The following FAM20B variants were observed in gnomAD, a reference collection of about 807,000 sequenced individuals.
The protein encoded by FAM20B is FAM20B glycosaminoglycan xylosylkinase.
Under a neutral mutation model 43.8 loss-of-function variants are expected in FAM20B, and 23 were observed. The ratio of observed to expected loss-of-function variants is 0.53; its 90% CI spans 0.38 to 0.74. The LOEUF is 0.74. Among genes scored for constraint, FAM20B ranks in the 30% least tolerant of loss-of-function variants. The probability of loss-of-function intolerance (pLI) is 0.00; values close to 1 mark genes in which losing one functional copy is unlikely to be tolerated. For synonymous variants in FAM20B, 178 were observed against 192.4 expected, an observed-to-expected ratio of 0.93 and a Z score of 0.62; for missense variants, 440 against 510.5, an observed-to-expected ratio of 0.86 and a Z score of 1.33.
At chr1:179,034,248 G>A (rs1335507294) in intron 1 of FAM20B, among the ~76,000 whole-genome samples, 1 of 152,204 alleles carries the variant, frequency 6.6e-6, no homozygotes, top group Non-Finnish European at 1.5e-5. Flanking sequence ...GCTAGATCCC[G>A]TGAAAGTGGA....
intron 1 of FAM20B, among the ~76,000 whole-genome samples, chr1:179,043,160 C>T (rs962988848): frequency 3.3e-5 from 5 of 152,222 alleles, no homozygotes; most frequent in African/African-American, 1.2e-4. Context: ...CCTCCCTTGG[C>T]CTCCCTCCCA....
In FAM20B at chr1:179,072,846, T is replaced by G. The variant is rs570354653; in HGVS notation, c.*702T>G. ...CTACTGAAAAACAGGTTCCCTTGTA[T>G]TTAGGATCTTAAGGTGTATAAAAAG... is the stretch of plus-strand genomic sequence containing the variant. On this transcript the variant is annotated 3_prime_UTR_variant, in exon 8 of 8. Coordinates refer to ENST00000263733, the MANE Select transcript of FAM20B (RefSeq NM_014864.4). The G allele has an allele frequency of 2.0e-5, 3 of 152,334 alleles. No homozygotes were observed. Among genetic ancestry groups the G allele is most frequent in the African/African-American group, 7.2e-5 (3 of 41,580 alleles). 9.4% of individuals were successfully genotyped at this position (152,334 alleles called of 1,614,324 possible).
At chr1:179,039,998 A>G (rs1650415534) in intron 1 of FAM20B, among the ~76,000 whole-genome samples, 1 of 152,188 alleles carries the variant, frequency 6.6e-6, no homozygotes, top group Non-Finnish European at 1.5e-5. Flanking sequence ...CCCTTAATCC[A>G]TTTAACCCTG....
In FAM20B at chr1:179,055,221, G is replaced by C. The variant is rs79113359; in HGVS notation, c.574+583G>C. Among the ~76,000 whole-genome samples the C allele has an allele frequency of 8.3e-3, 1,263 of 152,262 alleles. 17 individuals carry two copies. Among genetic ancestry groups the C allele is most frequent in the African/African-American group, 0.029 (1,207 of 41,540 alleles). ...TTCCATTATCTTAACTCTGAGGTAAGAGATCTGAGCTAAAATTCTCACTCC... is the reference window on the plus strand; with the variant it reads ...TTCCATTATCTTAACTCTGAGGTAACAGATCTGAGCTAAAATTCTCACTCC... On this transcript the variant is annotated intron_variant, in intron 4 of 7. Coordinates refer to ENST00000263733, the MANE Select transcript of FAM20B (RefSeq NM_014864.4).
intron 1 of FAM20B, among the ~76,000 whole-genome samples, chr1:179,026,325 C>T (rs1391314939): frequency 6.6e-6 from 1 of 151,682 alleles, no homozygotes; most frequent in African/African-American, 2.4e-5. Flanking sequence ...CTGGGAGACC[C>T]GCTCGGGCCG....
rs949572154 is a variant in FAM20B, at chr1:179,072,421, T to G, written c.*277T>G. 7.2e-6 allele frequency: 3 copies of G among 417,538 alleles called. No homozygotes were observed. Among genetic ancestry groups the G allele is most frequent in the Non-Finnish European group, 1.3e-5 (3 of 228,122 alleles). The allele number at this position is 417,538 out of a possible 1,614,324, so 25.9% of individuals were successfully genotyped here. ...CATAGTTGGTCAGTCTTAATTCCCATGCCAAAGGACAAACAGGTGTGACAT... is the reference window on the plus strand; with the variant it reads ...CATAGTTGGTCAGTCTTAATTCCCAGGCCAAAGGACAAACAGGTGTGACAT... On this transcript the variant is annotated 3_prime_UTR_variant, in exon 8 of 8. Transcript: ENST00000263733.
At chr1:179,029,280 C>T (rs1460111961) in intron 1 of FAM20B, among the ~76,000 whole-genome samples, 1 of 152,228 alleles carries the variant, frequency 6.6e-6, no homozygotes, top group Non-Finnish European at 1.5e-5. Flanking sequence ...TGTTTTCCTT[C>T]AGCTGTCTCT....
upstream of FAM20B, among the ~76,000 whole-genome samples, chr1:179,022,464 G>A (rs1365496643): frequency 2.0e-5 from 3 of 152,090 alleles, no homozygotes; most frequent in Non-Finnish European, 4.4e-5. Flanking sequence ...GTGTGTGTGC[G>A]CGCGCGCGTG....
chr1:179,035,668 C>G, intron 1 of FAM20B: 1 of 382,302 alleles, frequency 2.6e-6, no homozygotes, highest in South Asian at 2.8e-5. Context: ...AGGCATGGAC[C>G]GGAGAGGAGA....
Position 179,073,930 on chromosome 1 carries a change from C to T in FAM20B, c.*1786C>T, listed in dbSNP as rs1652037304. 1 of 152,220 alleles carries T rather than the reference C, an allele frequency of 6.6e-6. No homozygotes were observed. The highest frequency in any genetic ancestry group is 2.1e-4 in the South Asian group (1 of 4,832). 9.4% of individuals were successfully genotyped at this position (152,220 alleles called of 1,614,324 possible). Reference sequence around the variant, plus strand: ...CTCAGAGCTGTGTGCTTTGCTCCTGCATCTTGTTGAGGTGCTGTTCCAGCT... The same window carrying T: ...CTCAGAGCTGTGTGCTTTGCTCCTGTATCTTGTTGAGGTGCTGTTCCAGCT... On this transcript the variant is annotated 3_prime_UTR_variant, in exon 8 of 8. Coordinates refer to ENST00000263733, the MANE Select transcript of FAM20B (RefSeq NM_014864.4).
chr1:179,018,136 G>A, the FAM20B span, among the ~76,000 whole-genome samples: 2 of 152,126 alleles, frequency 1.3e-5, no homozygotes, highest in African/African-American at 4.8e-5. Context: ...CTGTATCTGT[G>A]ACAAGTTCCC....
upstream of FAM20B, among the ~76,000 whole-genome samples, chr1:179,021,931 T>C (rs1277373895): frequency 1.3e-5 from 2 of 152,190 alleles, no homozygotes; most frequent in Admixed American, 1.3e-4. Context: ...AACCGAAATA[T>C]TCCCACCACT....
chr1:179,068,024 A>G (rs572759108), intron 7 of FAM20B, among the ~76,000 whole-genome samples: 1 of 152,266 alleles, frequency 6.6e-6, no homozygotes, highest in Non-Finnish European at 1.5e-5. Flanking sequence ...CAGCCTCCCA[A>G]AGTGCTAGGA....
chr1:179,051,792 A>G lies in FAM20B; in HGVS notation c.464+1427A>G, dbSNP rs543481531. ...CTACCGAGTAGCTGGGACTACAGGT[A>G]CGCACCACCACACCCAGCTAATTTT... On this transcript the variant is annotated intron_variant, in intron 3 of 7. Transcript: ENST00000263733. Among the ~76,000 whole-genome samples, 660 of 152,144 alleles carry G rather than the reference A, an allele frequency of 4.3e-3. 3 individuals are homozygous for G. Among genetic ancestry groups the G allele is most frequent in the African/African-American group, 0.012 (507 of 41,528 alleles).
At chr1:179,042,701 A>G (rs1650594884) in intron 1 of FAM20B, among the ~76,000 whole-genome samples, 1 of 152,218 alleles carries the variant, frequency 6.6e-6, no homozygotes, top group South Asian at 2.1e-4. Context: ...TTCACTGAGC[A>G]ATAGAACAGC....
chr1:179,023,432 C>T (rs998355257), upstream of FAM20B, among the ~76,000 whole-genome samples: 8 of 152,180 alleles, frequency 5.3e-5, no homozygotes, highest in Non-Finnish European at 4.4e-5. Context: ...AACCATACAT[C>T]GTATGAGTGG....
chr1:179,062,999 G>A (rs888303538), intron 4 of FAM20B, among the ~76,000 whole-genome samples: 2 of 151,968 alleles, frequency 1.3e-5, no homozygotes, highest in African/African-American at 4.8e-5. Context: ...AGTTCAGGCC[G>A]GGCGCGGTAG....
intron 1 of FAM20B, among the ~76,000 whole-genome samples, chr1:179,031,095 TG>T (rs1649991693): frequency 6.6e-6 from 1 of 152,178 alleles, no homozygotes; most frequent in African/African-American, 2.4e-5. Flanking sequence ...AAAGTTTATG[TG>T]GTTTTCCAAG....
At chr1:179,031,476 AT>A (rs1226229803) in intron 1 of FAM20B, among the ~76,000 whole-genome samples, 3 of 151,816 alleles carry the variant, frequency 2.0e-5, no homozygotes, top group Non-Finnish European at 2.9e-5. Flanking sequence ...GCAGAGATTG[AT>A]TTTTTTTCAG....
Sources: allele counts gnomAD v4.1 joint callset (sites outside exome capture counted in the v4.1 genomes callset), GRCh38; gene constraint gnomAD v4.1.1; transcripts MANE v1.5; gene names NCBI Gene and HGNC (gene_info 2026-07-23, HGNC 2026-07-21).